The following LRP6 variants were observed in gnomAD, a reference collection of about 807,000 sequenced individuals.
The protein encoded by LRP6 is LDL receptor related protein 6.
In LRP6, 43 loss-of-function variants were observed where a neutral mutation model predicts 184.1. That is an observed-to-expected ratio of 0.23 (90% CI 0.18 to 0.30). The LOEUF (loss-of-function observed/expected upper bound fraction) is 0.30, where lower values mean the gene tolerates loss of function less well. Ranked by LOEUF, LRP6 falls within the 10% of genes least tolerant of loss-of-function variation. The pLI is 1.00. For missense variants in LRP6, 1,571 were observed against 2,005.3 expected (o/e 0.78, Z 4.14); for synonymous variants, 719 against 684.9 (o/e 1.05, Z -0.78).
intron 17 of LRP6, 119 bp downstream of exon 17, chr12:12,135,056 C>G: frequency 1.4e-6 from 2 of 1,407,142 alleles, no homozygotes; most frequent in Non-Finnish European, 2.0e-6. Context: ...GAATGGAACA[C>G]ACGCAACCAA....
At position 12,248,851 on chromosome 12, in the gene LRP6, T is replaced by C. The variant is rs150363887; in HGVS notation, c.56-4196A>G. On this transcript the variant is annotated intron_variant, in intron 1 of 22. Transcript: ENST00000261349. Reference sequence around the variant, plus strand: ...CTATATCCCTACCTATATAGAATGTTCTCCTCATACAATACTACCTATTTT... The same window carrying C: ...CTATATCCCTACCTATATAGAATGTCCTCCTCATACAATACTACCTATTTT... 6.5e-4 allele frequency: 173 copies of C among 265,690 alleles called. 3 individuals are homozygous for C. In the East Asian group the frequency reaches 0.015, roughly 23 times the overall value. 16.5% of individuals were successfully genotyped at this position (265,690 alleles called of 1,614,324 possible).
chr12:12,135,479 CATT>C lies in LRP6; in HGVS notation c.3608-182_3608-180del, dbSNP rs35053686. Among the ~76,000 whole-genome samples the C allele has an allele frequency of 0.63, 90,424 of 143,940 alleles. 28,925 individuals carry two copies. Among genetic ancestry groups the C allele is most frequent in the East Asian group, 0.88 (4,338 of 4,936 alleles). The allele number at this position is 143,940 out of a possible 152,430, so 94.4% of individuals were successfully genotyped here. On this transcript the variant is annotated intron_variant, in intron 16 of 22. Coordinates refer to ENST00000261349, the MANE Select transcript of LRP6 (RefSeq NM_002336.3). Reference sequence around the variant, plus strand: ...TATTATGGACTTTTTTTACTTTTATCATTATTATTATTATTATTATTATTATTA... The same window carrying C: ...TATTATGGACTTTTTTTACTTTTATCATTATTATTATTATTATTATTATTA...
chr12:12,200,636 T>C (rs988966069), intron 3 of LRP6, among the ~76,000 whole-genome samples: 10 of 152,242 alleles, frequency 6.6e-5, no homozygotes, highest in African/African-American at 2.4e-4. Flanking sequence ...TGCAAATTGG[T>C]GTCCACGTAT....
chr12:12,222,158 A>G (rs1864505730), intron 2 of LRP6, among the ~76,000 whole-genome samples: 1 of 152,236 alleles, frequency 6.6e-6, no homozygotes. Context: ...AATTTTACTA[A>G]GTAAAAATAC....
At chr12:12,257,063 C>G (rs1565725603) in intron 1 of LRP6, among the ~76,000 whole-genome samples, 3 of 151,944 alleles carry the variant, frequency 2.0e-5, no homozygotes, top group African/African-American at 7.3e-5. Context: ...GTAAGCAAAT[C>G]CATAGAGACA....
rs747483802 is a variant in LRP6, at chr12:12,266,678, C to T, written c.55+3G>A. The stretch of plus-strand genomic sequence containing the variant: ...AACTTTCCAGTGCCCCCACTCTTCC[C>T]ACCTCTCAGGAGCACACAGAAGCTG... On this transcript the variant is annotated splice_donor_region_variant and intron_variant, in intron 1 of 22. Coordinates refer to ENST00000261349, the MANE Select transcript of LRP6 (RefSeq NM_002336.3). 2 of 1,613,288 alleles carry T rather than the reference C, an allele frequency of 1.2e-6. No homozygotes were observed. Among genetic ancestry groups the T allele is most frequent in the East Asian group, 4.5e-5 (2 of 44,820 alleles).
intron 7 of LRP6, 116 bp downstream of exon 7, chr12:12,179,694 C>T: frequency 9.3e-7 from 1 of 1,071,730 alleles, no homozygotes; most frequent in East Asian, 2.5e-5. Context: ...GTAAAAGGTA[C>T]CTTTGGCACC....
intron 1 of LRP6, among the ~76,000 whole-genome samples, chr12:12,254,384 T>A (rs1397644529): frequency 6.6e-6 from 1 of 152,094 alleles, no homozygotes; most frequent in Non-Finnish European, 1.5e-5. Flanking sequence ...GATTATGGGT[T>A]TCGTTTAAAA....
intron 7 of LRP6, among the ~76,000 whole-genome samples, chr12:12,169,395 G>T (rs1221956466): frequency 6.6e-6 from 1 of 152,114 alleles, no homozygotes; most frequent in Admixed American, 6.6e-5. Context: ...GCAGATAAAG[G>T]ATTATAGATC....
intron 22 of LRP6, among the ~76,000 whole-genome samples, chr12:12,123,263 G>T (rs1313022834): frequency 6.6e-6 from 1 of 152,134 alleles, no homozygotes; most frequent in East Asian, 1.9e-4. Context: ...ATAAAATTTT[G>T]TATCTTTCTC....
intron 1 of LRP6, among the ~76,000 whole-genome samples, chr12:12,261,006 C>T (rs186995953): frequency 6.6e-6 from 1 of 152,250 alleles, no homozygotes; most frequent in East Asian, 1.9e-4. Flanking sequence ...TATCCCTTCC[C>T]AGAATCTCCT....
At chr12:12,142,030 A>G (rs1043417911) in intron 15 of LRP6, among the ~76,000 whole-genome samples, 20 of 152,312 alleles carry the variant, frequency 1.3e-4, no homozygotes, top group African/African-American at 4.6e-4. Flanking sequence ...AAGGAAGTCA[A>G]TGTTTAACGT....
At chr12:12,172,959 G>A (rs1162792435) in intron 7 of LRP6, among the ~76,000 whole-genome samples, 1 of 152,152 alleles carries the variant, frequency 6.6e-6, no homozygotes, top group Non-Finnish European at 1.5e-5. Flanking sequence ...ACATATAAGT[G>A]ATTTTAAATA....
chr12:12,215,486 C>A (rs774158134), intron 2 of LRP6, among the ~76,000 whole-genome samples: 12 of 151,628 alleles, frequency 7.9e-5, no homozygotes, highest in African/African-American at 2.9e-4. Flanking sequence ...AGTGCAATAG[C>A]GCGATCTCGG....
chr12:12,132,271 T>A (rs1002574711), intron 17 of LRP6, among the ~76,000 whole-genome samples: 6 of 152,226 alleles, frequency 3.9e-5, no homozygotes, highest in Non-Finnish European at 8.8e-5. Context: ...CCCGCAAAAC[T>A]ATAAGGCAAA....
At chr12:12,124,538 C>T in intron 22 of LRP6, 27 bp downstream of exon 22, 1 of 1,504,250 alleles carries the variant, frequency 6.6e-7, no homozygotes, top group Non-Finnish European at 9.3e-7. Context: ...AATACTGCAC[C>T]TTATTTTAGA....
chr12:12,158,932 G>A lies in LRP6; in HGVS notation c.2688C>T (p.Ser896=), dbSNP rs1182882860. 2.5e-6 allele frequency: 4 copies of A among 1,614,110 alleles called. No homozygotes were observed. Among genetic ancestry groups the A allele is most frequent in the Non-Finnish European group, 2.5e-6 (3 of 1,180,050 alleles). Residue 896 remains serine, a synonymous_variant, in exon 12 of 23, where the codon AGC becomes AGT. Coordinates refer to ENST00000261349, the MANE Select transcript of LRP6 (RefSeq NM_002336.3). ...AGCAGAGGTGGGAGCAGTGCCCATT[G>A]CTGGAAGCACATTCATTCCACCCTG... The part of the protein sequence containing the change: ...RQSGWNECAS[S]NGHCSHLCLA...
chr12:12,252,744 A>T (rs1269636649), intron 1 of LRP6, among the ~76,000 whole-genome samples: 2 of 152,156 alleles, frequency 1.3e-5, no homozygotes, highest in African/African-American at 4.8e-5. Context: ...TTACTTATGG[A>T]ATGCTATTAT....
At chr12:12,252,982 C>T (rs922715932) in intron 1 of LRP6, among the ~76,000 whole-genome samples, 1 of 152,114 alleles carries the variant, frequency 6.6e-6, no homozygotes, top group East Asian at 1.9e-4. Flanking sequence ...TAAGGTTAAT[C>T]GGCTGGGCGC....
Sources: gnomAD v4.1 joint callset for allele counts (sites outside exome capture counted in the v4.1 genomes callset) on GRCh38, gnomAD v4.1.1 for gene constraint, MANE v1.5 for transcripts, NCBI Gene and HGNC (gene_info 2026-07-23, HGNC 2026-07-21) for gene names.